The following ZNF536 variants were observed in gnomAD, a reference collection of about 807,000 sequenced individuals.
The protein encoded by ZNF536 is zinc finger protein 536.
ZNF536 carries 13 observed loss-of-function variants against 84.5 expected under a neutral mutation model. The observed-to-expected ratio is 0.15, with a 90% confidence interval of 0.10 to 0.24. The LOEUF is 0.24. Ranked by LOEUF, ZNF536 falls within the 10% of genes least tolerant of loss-of-function variation. The probability of loss-of-function intolerance (pLI) is 1.00; values close to 1 mark genes in which losing one functional copy is unlikely to be tolerated. For synonymous variants in ZNF536, 811 were observed against 742.5 expected (o/e 1.09, Z -1.50); for missense variants, 1,536 against 1,747.5 (o/e 0.88, Z 2.16).
At chr19:30,347,680 G>A (rs574832550) in intron 2 of ZNF536, among the ~76,000 whole-genome samples, 1 of 152,212 alleles carries the variant, frequency 6.6e-6, no homozygotes, top group Non-Finnish European at 1.5e-5. Context: ...TAGTAGGATT[G>A]CACTGAGGTA....
chr19:30,368,247 G>A (rs908977274), upstream of ZNF536, among the ~76,000 whole-genome samples: 2 of 152,174 alleles, frequency 1.3e-5, no homozygotes, highest in Non-Finnish European at 2.9e-5. Context: ...AACACAAGTC[G>A]TGTTCTTCCA....
intron 1 of ZNF536, among the ~76,000 whole-genome samples, chr19:30,424,131 A>G (rs759690682): frequency 6.6e-6 from 1 of 152,136 alleles, no homozygotes; most frequent in East Asian, 1.9e-4. Context: ...ACCTGGATGT[A>G]GCTCATTTTC....
intron 2 of ZNF536, among the ~76,000 whole-genome samples, chr19:30,455,310 C>A (rs930914109): frequency 1.3e-5 from 2 of 152,038 alleles, no homozygotes; most frequent in Non-Finnish European, 2.9e-5. Flanking sequence ...GTTATCGATG[C>A]ATAGTTTATG....
At chr19:30,711,516 T>G (rs1568697323) in exon 2 of ZNF536, 1 of 152,216 alleles carries the variant, frequency 6.6e-6, no homozygotes, top group Non-Finnish European at 1.5e-5. Flanking sequence ...GAGCGGTCAC[T>G]GCAGAGAAAA....
chr19:30,633,389 C>T (rs2048957942), intron 1 of ZNF536, among the ~76,000 whole-genome samples: 1 of 152,220 alleles, frequency 6.6e-6, no homozygotes, highest in Non-Finnish European at 1.5e-5. Context: ...CATATCCCAT[C>T]ACCTCAAATA....
intron 1 of ZNF536, among the ~76,000 whole-genome samples, chr19:30,391,351 T>A (rs942744091): frequency 6.6e-6 from 1 of 152,084 alleles, no homozygotes; most frequent in Non-Finnish European, 1.5e-5. Context: ...CCGAGGTGGG[T>A]CGATCATCTG....
At chr19:30,462,226 C>G (rs2053170854) in intron 2 of ZNF536, among the ~76,000 whole-genome samples, 1 of 152,074 alleles carries the variant, frequency 6.6e-6, no homozygotes. Flanking sequence ...GGGCCCAGGA[C>G]TCAGTAGAGG....
intron 2 of ZNF536, among the ~76,000 whole-genome samples, chr19:30,516,978 C>T (rs2044105541): frequency 2.0e-5 from 3 of 152,024 alleles, no homozygotes; most frequent in Admixed American, 2.0e-4. Context: ...TGTCACTGTC[C>T]CCTTGGCTCA....
upstream of ZNF536, among the ~76,000 whole-genome samples, chr19:30,227,402 G>T (rs2022672072): frequency 6.6e-6 from 1 of 152,220 alleles, no homozygotes; most frequent in Non-Finnish European, 1.5e-5. Flanking sequence ...GCAGTGGCCA[G>T]GGGCTGGGGG....
chr19:30,417,454 T>A (rs1949356871), intron 1 of ZNF536, among the ~76,000 whole-genome samples: 1 of 152,076 alleles, frequency 6.6e-6, no homozygotes, highest in South Asian at 2.1e-4. Flanking sequence ...AGAAGGAGGG[T>A]GAATGTGTCC....
At position 30,412,749 on chromosome 19, in the gene ZNF536, C is replaced by T. The variant is rs183878785; in HGVS notation, c.-2-30812C>T. Among the ~76,000 whole-genome samples, 25 of 151,802 alleles carry T rather than the reference C, an allele frequency of 1.6e-4. No homozygotes were observed. In the East Asian group the frequency reaches 3.9e-3, roughly 23 times the overall value. On this transcript the variant is annotated intron_variant, in intron 1 of 4. Coordinates refer to ENST00000355537, the MANE Select transcript of ZNF536 (RefSeq NM_014717.3). Reference sequence around the variant, plus strand: ...CTATATCTAGTAGCACTATCCTAGTCTCAGAGAATGAAATGAGAAACTTTC... The same window carrying T: ...CTATATCTAGTAGCACTATCCTAGTTTCAGAGAATGAAATGAGAAACTTTC...
chr19:30,669,846 T>G (rs1197172838), intron 1 of ZNF536, among the ~76,000 whole-genome samples: 1 of 152,234 alleles, frequency 6.6e-6, no homozygotes, highest in Non-Finnish European at 1.5e-5. Flanking sequence ...GACGTATTCA[T>G]TGTGGCAATG....
intron 4 of ZNF536, among the ~76,000 whole-genome samples, chr19:30,551,063 T>C (rs778425902): frequency 6.6e-6 from 1 of 152,026 alleles, no homozygotes; most frequent in Admixed American, 6.5e-5. Flanking sequence ...GAAGGCTTTT[T>C]TTTCTTTTTT....
chr19:30,670,188 C>T (rs527994167), intron 1 of ZNF536, among the ~76,000 whole-genome samples: 177 of 152,316 alleles, frequency 1.2e-3, no homozygotes, highest in Non-Finnish European at 2.1e-3. Context: ...TCCTGAGGCT[C>T]CTCTCTCCTC....
chr19:30,633,693 C>A (rs938919195), intron 1 of ZNF536, among the ~76,000 whole-genome samples: 1 of 152,126 alleles, frequency 6.6e-6, no homozygotes, highest in Non-Finnish European at 1.5e-5. Context: ...CAGATTGTCA[C>A]AAATTATATT....
intron 2 of ZNF536, among the ~76,000 whole-genome samples, chr19:30,486,557 A>G (rs2054308882): frequency 6.6e-6 from 1 of 152,240 alleles, no homozygotes; most frequent in Non-Finnish European, 1.5e-5. Flanking sequence ...TGCTGCAGTG[A>G]ACATACATGT....
upstream of ZNF536, among the ~76,000 whole-genome samples, chr19:30,228,063 CGT>C (rs915353342): frequency 4.0e-5 from 6 of 150,930 alleles, no homozygotes; most frequent in East Asian, 3.9e-4. The surrounding 1 kb of genome is among the most constrained non-coding windows in gnomAD (Gnocchi z 4.5). Context: ...TATGTGCGTG[CGT>C]GTGTGTGTGT....
chr19:30,634,540 C>G (rs2048997800), intron 1 of ZNF536, among the ~76,000 whole-genome samples: 1 of 152,094 alleles, frequency 6.6e-6, no homozygotes, highest in South Asian at 2.1e-4. Flanking sequence ...CCACCATACC[C>G]CTGGTCGGAG....
chr19:30,470,854 C>G (rs1406399955), intron 2 of ZNF536, among the ~76,000 whole-genome samples: 1 of 151,692 alleles, frequency 6.6e-6, no homozygotes, highest in Admixed American at 6.6e-5. Context: ...TCCAGCTACT[C>G]TTTTTGTATT....
Sources: allele counts gnomAD v4.1 joint callset (sites outside exome capture counted in the v4.1 genomes callset), GRCh38; gene constraint gnomAD v4.1.1; non-coding constraint Gnocchi (gnomAD v3.1); transcripts MANE v1.5; gene names NCBI Gene and HGNC (gene_info 2026-07-23, HGNC 2026-07-21).